TPCN1: variants seen among roughly 807,000 people sequenced by gnomAD.
The protein encoded by TPCN1 is two pore segment channel 1.
A neutral mutation model predicts 108.8 loss-of-function variants in TPCN1; 52 were observed. That is an observed-to-expected ratio of 0.48 (90% CI 0.38 to 0.60). The LOEUF (loss-of-function observed/expected upper bound fraction) is 0.60, where lower values mean the gene tolerates loss of function less well. Among genes scored for constraint, TPCN1 ranks in the 20% least tolerant of loss-of-function variants. TPCN1 has a pLI of 0.00. For synonymous variants in TPCN1, 446 were observed against 433.7 expected, an observed-to-expected ratio of 1.03 and a Z score of -0.35; for missense variants, 806 against 1,072.8, an observed-to-expected ratio of 0.75 and a Z score of 3.47.
intron 7 of TPCN1, among the ~76,000 whole-genome samples, chr12:113,270,814 C>T (rs1593164779): frequency 6.6e-6 from 1 of 152,092 alleles, no homozygotes; most frequent in Non-Finnish European, 1.5e-5. Flanking sequence ...TAATCCCATT[C>T]GGGAGGACGT....
chr12:113,247,680 CTG>C (rs1235821468), intron 2 of TPCN1, among the ~76,000 whole-genome samples: 5 of 152,240 alleles, frequency 3.3e-5, no homozygotes, highest in Admixed American at 6.5e-5. Flanking sequence ...CAGAATGGAA[CTG>C]TGGCTCCTCG....
In TPCN1 at chr12:113,269,873, G is replaced by A. The variant is rs754395066; in HGVS notation, c.748+28G>A. The A allele has an allele frequency of 1.9e-6, 3 of 1,610,986 alleles. No individual in the cohort carries two copies. The highest frequency in any genetic ancestry group is 2.2e-5 in the South Asian group (2 of 90,972). On this transcript the variant is annotated intron_variant, in intron 7 of 27. Transcript: ENST00000335509. The surrounding 1 kb of genome is among the most constrained non-coding windows in gnomAD (Gnocchi z 5.0). ...GAGTTCCCGCCTCTCAGGCCCAGGT[G>A]CGCTGGAAAAGCAAGTTCACGGTGG...
chr12:113,236,145 T>G (rs977240582), intron 2 of TPCN1, among the ~76,000 whole-genome samples: 1 of 152,084 alleles, frequency 6.6e-6, no homozygotes, highest in Non-Finnish European at 1.5e-5. Flanking sequence ...GAACATTCAT[T>G]CATGCTGCCC....
chr12:113,227,002 T>C (rs752066101), intron 2 of TPCN1, 38 bp downstream of exon 2: 2 of 1,567,476 alleles, frequency 1.3e-6, no homozygotes, highest in South Asian at 1.1e-5. Flanking sequence ...CCCCAGCTTT[T>C]CTGTTTCAGA....
intron 3 of TPCN1, among the ~76,000 whole-genome samples, chr12:113,261,958 A>C (rs1013525584): frequency 6.6e-6 from 1 of 152,154 alleles, no homozygotes; most frequent in Non-Finnish European, 1.5e-5. Flanking sequence ...TTGATGTTTC[A>C]GCATGGAATC....
Position 113,226,777 on chromosome 12 carries a change from C to T in TPCN1, c.-76C>T, listed in dbSNP as rs1486083689. The T allele has an allele frequency of 1.2e-6, 2 of 1,602,934 alleles. No individual in the cohort carries two copies. The highest frequency in any genetic ancestry group is 1.3e-5 in the African/African-American group (1 of 74,752). On this transcript the variant is annotated 5_prime_UTR_variant, in exon 2 of 28. Coordinates refer to ENST00000335509, the MANE Select transcript of TPCN1 (RefSeq NM_017901.6). ...CTGAGCAGCACCCCTGGCCCAGTGG[C>T]TTTGAAAGGGAGCTCAAACCAGAGA... is the stretch of plus-strand genomic sequence containing the variant.
chr12:113,238,502 C>CT (rs1410580512), intron 2 of TPCN1, among the ~76,000 whole-genome samples: 2 of 152,174 alleles, frequency 1.3e-5, no homozygotes, highest in South Asian at 2.1e-4. Context: ...ATGACCAAGT[C>CT]TTCCCCAGAG....
In TPCN1 at chr12:113,285,956, G is replaced by C; in HGVS notation, c.1521G>C (p.Trp507Cys). 6.2e-7 allele frequency: 1 copy of C among 1,614,110 alleles called. No homozygotes were observed. Among genetic ancestry groups the C allele is most frequent in the Non-Finnish European group, 8.5e-7 (1 of 1,179,926 alleles). Residue 507 changes from tryptophan to cysteine, a missense_variant, in exon 18 of 28, where the codon TGG becomes TGC. By Grantham distance (215) the Trp-to-Cys change is radical. Coordinates refer to ENST00000335509, the MANE Select transcript of TPCN1 (RefSeq NM_017901.6). ...LGPVEYLSSG[W>C]NLFDFSVTVF... ...CTGTGGAGTACTTGTCTTCCGGATG[G>C]AACTTGTGAGTGGACAGCATGTTTC...
intron 27 of TPCN1, among the ~76,000 whole-genome samples, chr12:113,294,626 CAA>C (rs368650271): frequency 2.0e-4 from 19 of 95,470 alleles, no homozygotes; most frequent in Admixed American, 2.4e-4. Context: ...GACTCTGTCT[CAA>C]AAAAAAAAAA....
At chr12:113,236,219 G>A (rs1238185552) in intron 2 of TPCN1, among the ~76,000 whole-genome samples, 1 of 152,182 alleles carries the variant, frequency 6.6e-6, no homozygotes, top group East Asian at 1.9e-4. Context: ...GGGACACGGG[G>A]TGCCTACTGT....
chr12:113,287,702 A>G (rs903562263), intron 19 of TPCN1, among the ~76,000 whole-genome samples: 3 of 152,096 alleles, frequency 2.0e-5, no homozygotes, highest in African/African-American at 4.8e-5. Context: ...GGTGGCGTCT[A>G]TGGAGGAAAA....
chr12:113,290,326 G>A, intron 22 of TPCN1, 83 bp downstream of exon 22: 4 of 986,152 alleles, frequency 4.1e-6, no homozygotes, highest in Admixed American at 2.1e-5. Context: ...CAGAGGTGGT[G>A]TAGCAAGTGT....
intron 2 of TPCN1, among the ~76,000 whole-genome samples, chr12:113,255,303 C>T (rs910719778): frequency 5.9e-5 from 9 of 151,998 alleles, no homozygotes; most frequent in East Asian, 3.8e-4. Flanking sequence ...GCAACAGCAT[C>T]GGAAATATAA....
At chr12:113,230,416 A>G (rs1478469231) in intron 2 of TPCN1, among the ~76,000 whole-genome samples, 1 of 150,606 alleles carries the variant, frequency 6.6e-6, no homozygotes, top group Non-Finnish European at 1.5e-5. Context: ...AGCAGCTGAG[A>G]CTACAGGCAT....
At chr12:113,224,093 A>G (rs16942632) in intron 1 of TPCN1, among the ~76,000 whole-genome samples, 17,432 of 152,170 alleles carry the variant, frequency 0.11, 1,191 homozygotes, top group East Asian at 0.21. Context: ...GTATATATTG[A>G]TGATTGAAGC....
In TPCN1 at chr12:113,291,642, C is replaced by T. The variant is rs1295781766; in HGVS notation, c.1993C>T (p.Arg665Cys). The stretch of plus-strand genomic sequence containing the variant: ...CACCTCTCAGACCTCCCACTGGAGC[C>T]GCCTCTACTTCATGACCTTTTACAT... Reference protein sequence around the residue: ...GVTSQTSHWSRLYFMTFYIVT... With the variant: ...GVTSQTSHWSCLYFMTFYIVT... Residue 665 changes from arginine (R) to cysteine (C), a missense_variant, in exon 24 of 28, where the codon CGC becomes TGC. Transcript: ENST00000335509. 6.8e-6 allele frequency: 11 copies of T among 1,613,848 alleles called. No individual in the cohort carries two copies. Among genetic ancestry groups the T allele is most frequent in the South Asian group, 1.1e-5 (1 of 90,980 alleles).
chr12:113,235,903 T>G, intron 2 of TPCN1, among the ~76,000 whole-genome samples: 1 of 151,738 alleles, frequency 6.6e-6, no homozygotes. Context: ...GAACAGGAAG[T>G]GAAAGATTCT....
Position 113,232,750 on chromosome 12 carries a change from A to C in TPCN1, c.112+5786A>C, listed in dbSNP as rs1419657896. On this transcript the variant is annotated intron_variant, in intron 2 of 27. Transcript: ENST00000335509. The surrounding 1 kb of genome is among the most constrained non-coding windows in gnomAD (Gnocchi z 5.6). ...AGAGCATGTGTGTGATCACATGGTC[A>C]GTGCTCAGCCGGTCATAGGCATTAT... Among the ~76,000 whole-genome samples the C allele has an allele frequency of 6.6e-6, 1 of 152,248 alleles. No individual in the cohort carries two copies. Among genetic ancestry groups the C allele is most frequent in the South Asian group, 2.1e-4 (1 of 4,828 alleles).
chr12:113,264,688 G>GA (rs1036180956), intron 3 of TPCN1, among the ~76,000 whole-genome samples: 2 of 144,428 alleles, frequency 1.4e-5, no homozygotes, highest in South Asian at 2.2e-4. Context: ...CAAAAAAAAA[G>GA]AAAAAAAAAA....
Sources: allele counts gnomAD v4.1 joint callset (sites outside exome capture counted in the v4.1 genomes callset), GRCh38; gene constraint gnomAD v4.1.1; non-coding constraint Gnocchi (gnomAD v3.1); transcripts MANE v1.5; gene names NCBI Gene and HGNC (gene_info 2026-07-23, HGNC 2026-07-21).